The following GPRC6A variants were observed in gnomAD, a reference collection of about 807,000 sequenced individuals.
GPRC6A encodes G protein-coupled receptor family C group 6 member A.
A neutral mutation model predicts 47.0 loss-of-function variants in GPRC6A; 54 were observed. The ratio of observed to expected loss-of-function variants is 1.15; its 90% CI spans 0.92 to 1.44. The LOEUF (loss-of-function observed/expected upper bound fraction) is 1.44, where lower values mean the gene tolerates loss of function less well. GPRC6A is among the 40% of genes most tolerant of loss of function. The pLI, the probability that GPRC6A is intolerant of heterozygous loss-of-function variation, is 0.00. For missense variants in GPRC6A, 1,112 were observed against 1,105.5 expected, an observed-to-expected ratio of 1.01 and a Z score of -0.08; for synonymous variants, 347 against 377.1, an observed-to-expected ratio of 0.92 and a Z score of 0.93.
Position 116,793,928 on chromosome 6 carries a change from C to T in GPRC6A, c.1673-678G>A, listed in dbSNP as rs573316578. Reference sequence around the variant, plus strand: ...GATAATGCAAAATTGTAATCGATGGCAATTGATGAAGAATTAAAGTTTATT... The same window carrying T: ...GATAATGCAAAATTGTAATCGATGGTAATTGATGAAGAATTAAAGTTTATT... On this transcript the variant is annotated intron_variant, in intron 5 of 5. Coordinates refer to ENST00000310357, the MANE Select transcript of GPRC6A (RefSeq NM_148963.4). 7.9e-5 allele frequency among the ~76,000 whole-genome samples: 12 copies of T among 152,238 alleles called. No homozygotes were observed. In the East Asian group the frequency reaches 2.3e-3, roughly 29 times the overall value.
chr6:116,800,753 TTCCA>T lies in GPRC6A; in HGVS notation c.1375_1378del (p.Trp459IlefsTer11), dbSNP rs779876010. The T allele has an allele frequency of 1.9e-6, 3 of 1,609,956 alleles. No individual in the cohort carries two copies. The highest frequency in any genetic ancestry group is 4.5e-5 in the East Asian group (2 of 44,864). ...CCCGTGAGCATCAAAATGAAATGAA[TTCCA>T]TCCATCAGTGAATGTCACATTTTTT... On this transcript the variant is annotated frameshift_variant, in exon 4 of 6. Coordinates refer to ENST00000310357, the MANE Select transcript of GPRC6A (RefSeq NM_148963.4). LOFTEE classifies it high-confidence loss of function.
chr6:116,807,993 T>C (rs989845044), intron 2 of GPRC6A, among the ~76,000 whole-genome samples: 3 of 151,348 alleles, frequency 2.0e-5, no homozygotes, highest in Admixed American at 6.6e-5. Context: ...TTTCTTTCGT[T>C]CCTTCTTTTT....
intron 4 of GPRC6A, among the ~76,000 whole-genome samples, chr6:116,796,646 C>A (rs1562478473): frequency 1.3e-5 from 2 of 152,200 alleles, no homozygotes; most frequent in Admixed American, 1.3e-4. Flanking sequence ...TGGAACACAA[C>A]TGAAGTACTA....
intron 1 of GPRC6A, among the ~76,000 whole-genome samples, chr6:116,816,309 C>T (rs1773203727): frequency 6.6e-6 from 1 of 152,174 alleles, no homozygotes; most frequent in South Asian, 2.1e-4. Context: ...GTAAATACTC[C>T]TATTTGAAAA....
At chr6:116,829,118 G>C (rs1249334103), upstream of GPRC6A, 1 of 1,355,668 alleles carries the variant, frequency 7.4e-7, no homozygotes, top group Non-Finnish European at 9.6e-7. Flanking sequence ...ATAAGGTATA[G>C]GACAGTGTCA....
chr6:116,800,441 G>A, intron 4 of GPRC6A, 143 bp downstream of exon 4: 1 of 299,150 alleles, frequency 3.3e-6, no homozygotes, highest in Middle Eastern at 4.8e-4. Flanking sequence ...CAGCTAAATA[G>A]GAGCTACACT....
rs1335576047 is a variant in GPRC6A, at chr6:116,795,776, TC to T, written c.1607del (p.Arg536LysfsTer63). The T allele has an allele frequency of 6.2e-7, 1 of 1,609,848 alleles. No homozygotes were observed. The highest frequency in any genetic ancestry group is 2.2e-5 in the East Asian group (1 of 44,752). ...ATTCATAGCAACAGATGTGTTGACT[TC>T]TTGTAGTTTTCTTCATTTGCCCAGG... is the stretch of plus-strand genomic sequence containing the variant. ...CSPGQMKKTT[R>X]SQHICCYECQ... On this transcript the variant is annotated frameshift_variant, in exon 5 of 6. Transcript: ENST00000310357. LOFTEE classifies it high-confidence loss of function.
chr6:116,805,750 A>G (rs1772814792), intron 3 of GPRC6A, among the ~76,000 whole-genome samples: 1 of 152,072 alleles, frequency 6.6e-6, no homozygotes, highest in South Asian at 2.1e-4. Flanking sequence ...GAATATCATA[A>G]TTGACCTAAC....
chr6:116,793,132 G>A lies in GPRC6A; in HGVS notation c.1791C>T (p.Leu597=). The change falls in exon 6 of 6, where the codon CTC becomes CTT. Residue 597 remains leucine, a synonymous_variant. Transcript: ENST00000310357. ...LNWNDSLAIL[L]LILSLLGIIF... is the part of the protein sequence containing the mutation. ...TGATTCCCAGTAGGGAGAGAATCAG[G>A]AGTAGGATGGCCAAGGAGTCATTCC... is the stretch of plus-strand genomic sequence containing the variant. 6.2e-7 allele frequency: 1 copy of A among 1,613,896 alleles called. No individual in the cohort carries two copies. The highest frequency in any genetic ancestry group is 1.1e-5 in the South Asian group (1 of 91,064).
intron 3 of GPRC6A, among the ~76,000 whole-genome samples, chr6:116,802,430 A>G (rs1012825559): frequency 1.3e-5 from 2 of 152,178 alleles, no homozygotes; most frequent in African/African-American, 4.8e-5. Flanking sequence ...TTCAATTATT[A>G]TCTTATTCAC....
At chr6:116,822,892 A>G (rs758505338) in intron 1 of GPRC6A, among the ~76,000 whole-genome samples, 1 of 49,120 alleles carries the variant, frequency 2.0e-5, no homozygotes, top group African/African-American at 7.6e-5. Context: ...ACTAGTCTCT[A>G]AAAAAAAAAA....
intron 1 of GPRC6A, among the ~76,000 whole-genome samples, chr6:116,820,581 C>T (rs1347635319): frequency 1.3e-5 from 2 of 148,372 alleles, no homozygotes; most frequent in African/African-American, 5.0e-5. Context: ...TGTAATCCAG[C>T]ATATAAACAG....
At position 116,807,019 on chromosome 6, in the gene GPRC6A, A is replaced by T. The variant is rs775215897; in HGVS notation, c.686T>A (p.Ile229Lys). 6.2e-7 allele frequency: 1 copy of T among 1,613,656 alleles called. No homozygotes were observed. The highest frequency in any genetic ancestry group is 2.2e-5 in the East Asian group (1 of 44,882). Reference sequence around the variant, plus strand: ...CACGTTATTTGCTTCAGCCTGAATTATAAAAGTGTTAAGAGCCAATCGTCC... The same window carrying T: ...CACGTTATTTGCTTCAGCCTGAATTTTAAAAGTGTTAAGAGCCAATCGTCC... ...DYGRLALNTF[I>K]IQAEANNVCI... The change falls in exon 3 of 6, where the codon ATA (isoleucine) becomes AAA (lysine). Residue 229 changes from isoleucine to lysine, a missense_variant. Transcript: ENST00000310357.
intron 1 of GPRC6A, 106 bp downstream of exon 1, chr6:116,828,712 TGA>T: frequency 1.1e-6 from 1 of 905,482 alleles, no homozygotes; most frequent in Non-Finnish European, 1.6e-6. Context: ...AAAATACATA[TGA>T]GTTTATTTTT....
chr6:116,817,195 T>C lies in GPRC6A; in HGVS notation c.195-7578A>G, dbSNP rs564438348. On this transcript the variant is annotated intron_variant, in intron 1 of 5. Transcript: ENST00000310357. ...CAGCACGCAGCTGGAGATCTGAGAA[T>C]GGGCAGACTGCCTCCTCAAGTGGGT... is the stretch of plus-strand genomic sequence containing the variant. Among the ~76,000 whole-genome samples the C allele has an allele frequency of 7.5e-3, 1,142 of 151,618 alleles. 7 individuals carry two copies. The highest frequency in any genetic ancestry group is 0.012 in the Non-Finnish European group (793 of 67,772).
At chr6:116,819,906 T>C (rs9400963) in intron 1 of GPRC6A, among the ~76,000 whole-genome samples, 6 of 147,652 alleles carry the variant, frequency 4.1e-5, no homozygotes, top group East Asian at 2.0e-4. Context: ...TTCAAAAAAT[T>C]AATGAATCCA....
chr6:116,805,474 T>C (rs1221225036), intron 3 of GPRC6A, among the ~76,000 whole-genome samples: 2 of 152,138 alleles, frequency 1.3e-5, no homozygotes, highest in South Asian at 2.1e-4. Flanking sequence ...TTAAAACTTA[T>C]ATATTTTGTA....
Position 116,792,605 on chromosome 6 carries a change from C to T in GPRC6A, c.2318G>A (p.Gly773Asp), listed in dbSNP as rs1355608915. 1 of 1,487,306 alleles carries T rather than the reference C, an allele frequency of 6.7e-7. No homozygotes were observed. Among genetic ancestry groups the T allele is most frequent in the African/African-American group, 1.9e-5 (1 of 51,854 alleles). 92.1% of individuals were successfully genotyped at this position (1,487,306 alleles called of 1,614,324 possible). A position where few individuals can be genotyped will look rare whatever the true frequency, so the allele number is the denominator to read the frequency against. ...AFICFIFAFKGKYENYNEAKF... is the reference protein window; with the variant it reads ...AFICFIFAFKDKYENYNEAKF... Reference sequence around the variant, plus strand: ...GGCTTCATTGTAATTCTCATATTTGCCTTTGAAAGCAAATATGAAGCAAAT... The same window carrying T: ...GGCTTCATTGTAATTCTCATATTTGTCTTTGAAAGCAAATATGAAGCAAAT... Residue 773 changes from glycine to aspartate, a missense_variant, in exon 6 of 6, where the codon GGC becomes GAC. Physicochemically the swap from Gly to Asp is moderately conservative, Grantham distance 94 (BLOSUM62 -1). Coordinates refer to ENST00000310357, the MANE Select transcript of GPRC6A (RefSeq NM_148963.4).
intron 5 of GPRC6A, among the ~76,000 whole-genome samples, chr6:116,794,907 A>G (rs1772429087): frequency 6.6e-6 from 1 of 152,138 alleles, no homozygotes. Flanking sequence ...TCATTGGTAT[A>G]CTTCTCTTCT....
Sources: allele counts gnomAD v4.1 joint callset (sites outside exome capture counted in the v4.1 genomes callset), GRCh38; gene constraint gnomAD v4.1.1; transcripts MANE v1.5; gene names NCBI Gene and HGNC (gene_info 2026-07-23, HGNC 2026-07-21).